ONECUT2: variants seen among roughly 807,000 people sequenced by gnomAD.
The protein encoded by ONECUT2 is one cut homeobox 2.
ONECUT2 carries 10 observed loss-of-function variants against 27.9 expected under a neutral mutation model. The observed-to-expected ratio is 0.36, with a 90% CI of 0.22 to 0.61. The LOEUF is 0.61. ONECUT2 is among the 20% of genes least tolerant of loss of function. The pLI is 0.73. For synonymous variants in ONECUT2, 334 were observed against 315.1 expected (o/e 1.06, Z -0.64); for missense variants, 686 against 721.0 (o/e 0.95, Z 0.56).
Position 57,473,729 on chromosome 18 carries a change from T to C in ONECUT2, c.1229-2708T>C, listed in dbSNP as rs140843342. On this transcript the variant is annotated intron_variant, in intron 1 of 1. Coordinates refer to ENST00000491143, the MANE Select transcript of ONECUT2 (RefSeq NM_004852.3). The stretch of plus-strand genomic sequence containing the variant: ...TGAGAATCTGCGTTTTGATGAGCCC[T>C]CCAGGTGATTCCTATGCACCTTAAA... Among the ~76,000 whole-genome samples the C allele has an allele frequency of 6.6e-5, 10 of 152,276 alleles. No homozygotes were observed. The East Asian group carries it at 1.9e-3, about 29-fold the overall frequency.
Position 57,486,210 on chromosome 18 carries a change from C to T in ONECUT2, c.*9487C>T, listed in dbSNP as rs1355523800. On this transcript the variant is annotated 3_prime_UTR_variant, in exon 2 of 2. Coordinates refer to ENST00000491143, the MANE Select transcript of ONECUT2 (RefSeq NM_004852.3). ...ACATAACCACGGGACGAGTGCCTTGCTTGAACCAAAGCAACGATTTAGCCA... is the reference window on the plus strand; with the variant it reads ...ACATAACCACGGGACGAGTGCCTTGTTTGAACCAAAGCAACGATTTAGCCA... 6.6e-6 allele frequency: 1 copy of T among 152,628 alleles called. No homozygotes were observed. Among genetic ancestry groups the T allele is most frequent in the Non-Finnish European group, 1.5e-5 (1 of 68,042 alleles). 9.5% of individuals were successfully genotyped at this position (152,628 alleles called of 1,614,324 possible). A position where few individuals can be genotyped will look rare whatever the true frequency, so the allele number is the denominator to read the frequency against.
Position 57,436,214 on chromosome 18 carries a change from G to T in ONECUT2, c.498G>T (p.Lys166Asn), listed in dbSNP as rs1439745438. 2 of 1,605,718 alleles carry T rather than the reference G, an allele frequency of 1.2e-6. No homozygotes were observed. The highest frequency in any genetic ancestry group is 1.7e-5 in the Admixed American group (1 of 59,500). ...PLPPISTVSD[K>N]FHHPHPHHHP... ...CACCCATCTCCACCGTGTCTGACAA[G>T]TTCCACCACCCTCACCCGCACCACC... The change falls in exon 1 of 2, where the codon AAG (lysine) becomes AAT (asparagine). Residue 166 changes from lysine (K) to asparagine (N), a missense_variant. Coordinates refer to ENST00000491143, the MANE Select transcript of ONECUT2 (RefSeq NM_004852.3). The surrounding 1 kb of genome is among the most constrained non-coding windows in gnomAD (Gnocchi z 5.9).
chr18:57,442,463 C>T (rs888927132), intron 1 of ONECUT2, among the ~76,000 whole-genome samples: 5 of 152,092 alleles, frequency 3.3e-5, no homozygotes, highest in African/African-American at 1.2e-4. Flanking sequence ...CCTCATCTTC[C>T]CACTAGTGTT....
At chr18:57,462,800 C>T (rs1054093872) in intron 1 of ONECUT2, among the ~76,000 whole-genome samples, 3 of 138,980 alleles carry the variant, frequency 2.2e-5, no homozygotes, top group Non-Finnish European at 4.5e-5. Context: ...GGCCCAATCT[C>T]GGCTCACTGG....
chr18:57,453,606 A>G lies in ONECUT2; in HGVS notation c.1228+16662A>G, dbSNP rs139147318. On this transcript the variant is annotated intron_variant, in intron 1 of 1. Transcript: ENST00000491143. ...TAGTAGTTCTTGTGTTTTTATGCCT[A>G]TGGTTTTGCAGGCTGGTTTATTCAG... Among the ~76,000 whole-genome samples the G allele has an allele frequency of 1.2e-4, 18 of 152,416 alleles. No individual in the cohort carries two copies. In the East Asian group the frequency reaches 2.5e-3, roughly 21 times the overall value.
At position 57,491,038 on chromosome 18, in the gene ONECUT2, T is replaced by C. The variant is rs975921082; in HGVS notation, c.*14315T>C. ...CCAGGGACGGTCAACAGGGTATATG[T>C]TCAGTGGCTGCCCTGAAATCCTGGT... On this transcript the variant is annotated 3_prime_UTR_variant, in exon 2 of 2. Coordinates refer to ENST00000491143, the MANE Select transcript of ONECUT2 (RefSeq NM_004852.3). The C allele has an allele frequency of 3.9e-5, 6 of 152,634 alleles. No individual in the cohort carries two copies. Among genetic ancestry groups the C allele is most frequent in the African/African-American group, 1.4e-4 (6 of 41,444 alleles). The allele number at this position is 152,634 out of a possible 1,614,324, so 9.5% of individuals were successfully genotyped here. A position where few individuals can be genotyped will look rare whatever the true frequency, so the allele number is the denominator to read the frequency against.
intron 1 of ONECUT2, among the ~76,000 whole-genome samples, chr18:57,452,361 A>G (rs1322301458): frequency 1.3e-5 from 2 of 152,210 alleles, no homozygotes; most frequent in African/African-American, 2.4e-5. Flanking sequence ...TAGTGTCCCA[A>G]TGGGAGATCC....
chr18:57,446,887 G>C (rs912456889), intron 1 of ONECUT2, among the ~76,000 whole-genome samples: 16 of 152,328 alleles, frequency 1.1e-4, no homozygotes, highest in African/African-American at 3.8e-4. Flanking sequence ...GAAAACGAAT[G>C]ATTATGTGTG....
rs1012391700 is a variant in ONECUT2, at chr18:57,488,037, T to C, written c.*11314T>C. On this transcript the variant is annotated 3_prime_UTR_variant, in exon 2 of 2. Coordinates refer to ENST00000491143, the MANE Select transcript of ONECUT2 (RefSeq NM_004852.3). ...AAGCAGCAGTCTGCTATGCAAAATATTGGAAATCACTGACAGTGTAGCATT... is the reference window on the plus strand; with the variant it reads ...AAGCAGCAGTCTGCTATGCAAAATACTGGAAATCACTGACAGTGTAGCATT... The C allele has an allele frequency of 5.3e-5, 8 of 152,342 alleles. No individual in the cohort carries two copies. Among genetic ancestry groups the C allele is most frequent in the Non-Finnish European group, 1.2e-4 (8 of 68,040 alleles). The allele number at this position is 152,342 out of a possible 1,614,324, so 9.4% of individuals were successfully genotyped here.
In ONECUT2 at chr18:57,438,314, G is replaced by A. The variant is rs1389506620; in HGVS notation, c.1228+1370G>A. Among the ~76,000 whole-genome samples the A allele has an allele frequency of 2.0e-5, 3 of 152,254 alleles. No homozygotes were observed. The East Asian group carries it at 5.8e-4, about 29-fold the overall frequency. ...GGCGACTTCCCATGGATCGGGTGGA[G>A]GGGGGTATCTTTCAGGATCGGCGGG... On this transcript the variant is annotated intron_variant, in intron 1 of 1. Transcript: ENST00000491143.
chr18:57,470,641 C>T (rs951367636), intron 1 of ONECUT2, among the ~76,000 whole-genome samples: 4 of 152,114 alleles, frequency 2.6e-5, no homozygotes, highest in African/African-American at 9.7e-5. Context: ...TGTTCAGGTG[C>T]CTTGAAGAGC....
At chr18:57,439,154 C>A (rs2050160433) in intron 1 of ONECUT2, among the ~76,000 whole-genome samples, 1 of 152,252 alleles carries the variant, frequency 6.6e-6, no homozygotes, top group African/African-American at 2.4e-5. Context: ...AGTAATGCTT[C>A]GCCTATTAGC....
intron 1 of ONECUT2, among the ~76,000 whole-genome samples, chr18:57,462,888 C>T (rs372909611): frequency 2.6e-5 from 4 of 151,824 alleles, no homozygotes; most frequent in Non-Finnish European, 5.9e-5. Context: ...TCTGCCACCA[C>T]GCCTGGCTAA....
intron 1 of ONECUT2, among the ~76,000 whole-genome samples, chr18:57,466,952 C>A (rs2122139157): frequency 6.6e-6 from 1 of 152,320 alleles, no homozygotes; most frequent in Non-Finnish European, 1.5e-5. Context: ...CAGTGTGCTT[C>A]CTACAGGCAG....
At chr18:57,468,861 T>C (rs2050338438) in intron 1 of ONECUT2, among the ~76,000 whole-genome samples, 1 of 152,228 alleles carries the variant, frequency 6.6e-6, no homozygotes, top group South Asian at 2.1e-4. Context: ...AGGAATCTTA[T>C]TATTTTTACT....
Position 57,484,820 on chromosome 18 carries a change from C to G in ONECUT2, c.*8097C>G, listed in dbSNP as rs543458357. ...CCTCCTGGTTCCTGCCCCAGTGCTC[C>G]GCTTATTGTACAGTGCTACCTCTGC... On this transcript the variant is annotated 3_prime_UTR_variant, in exon 2 of 2. Coordinates refer to ENST00000491143, the MANE Select transcript of ONECUT2 (RefSeq NM_004852.3). 2 of 152,388 alleles carry G rather than the reference C, an allele frequency of 1.3e-5. No individual in the cohort carries two copies. The highest frequency in any genetic ancestry group is 3.9e-4 in the East Asian group (2 of 5,184). The allele number at this position is 152,388 out of a possible 1,614,324, so 9.4% of individuals were successfully genotyped here. A position where few individuals can be genotyped will look rare whatever the true frequency, so the allele number is the denominator to read the frequency against.
In ONECUT2 at chr18:57,488,358, C is replaced by A. The variant is rs2050448419; in HGVS notation, c.*11635C>A. The A allele has an allele frequency of 6.6e-6, 1 of 152,534 alleles. No homozygotes were observed. The allele number at this position is 152,534 out of a possible 1,614,324, so 9.4% of individuals were successfully genotyped here. A position where few individuals can be genotyped will look rare whatever the true frequency, so the allele number is the denominator to read the frequency against. On this transcript the variant is annotated 3_prime_UTR_variant, in exon 2 of 2. Transcript: ENST00000491143. ...GCAAAGTTTTCCTGACACTCACAAA[C>A]CCACAAACTGTTCCTCTTAATGCAG...
intron 1 of ONECUT2, among the ~76,000 whole-genome samples, chr18:57,471,874 C>G (rs1389643024): frequency 6.6e-6 from 1 of 152,150 alleles, no homozygotes; most frequent in African/African-American, 2.4e-5. Context: ...ACCTGCTTCC[C>G]TGTGAGAGGG....
intron 1 of ONECUT2, among the ~76,000 whole-genome samples, chr18:57,440,510 G>A (rs140993344): frequency 1.3e-3 from 194 of 152,340 alleles, no homozygotes; most frequent in Non-Finnish European, 1.5e-3. Flanking sequence ...AGTCCCCGCC[G>A]TAGTCCGACG....
Sources: allele counts gnomAD v4.1 joint callset (sites outside exome capture counted in the v4.1 genomes callset), GRCh38; gene constraint gnomAD v4.1.1; non-coding constraint Gnocchi (gnomAD v3.1); transcripts MANE v1.5; gene names NCBI Gene and HGNC (gene_info 2026-07-23, HGNC 2026-07-21).